PALM2AKAP2: variants seen among roughly 807,000 people sequenced by gnomAD.
PALM2AKAP2 encodes PALM2-AKAP2 fusion protein.
A neutral mutation model predicts 71.5 loss-of-function variants in PALM2AKAP2; 37 were observed. The ratio of observed to expected loss-of-function variants is 0.52; its 90% CI spans 0.40 to 0.68. The LOEUF is 0.68. Among genes scored for constraint, PALM2AKAP2 ranks in the 30% least tolerant of loss-of-function variants. The pLI is 0.00. For missense variants in PALM2AKAP2, 1,224 were observed against 1,191.8 expected, an observed-to-expected ratio of 1.03 and a Z score of -0.40; for synonymous variants, 468 against 478.8, an observed-to-expected ratio of 0.98 and a Z score of 0.29.
At chr9:109,822,642 C>T (rs758893930) in intron 1 of PALM2AKAP2, among the ~76,000 whole-genome samples, 4 of 152,088 alleles carry the variant, frequency 2.6e-5, no homozygotes, top group Non-Finnish European at 5.9e-5. Flanking sequence ...TTTTTGGTTC[C>T]TGTGTTAGTT....
chr9:109,989,528 T>C (rs748229513), intron 6 of PALM2AKAP2, among the ~76,000 whole-genome samples: 3 of 152,174 alleles, frequency 2.0e-5, no homozygotes, highest in Non-Finnish European at 4.4e-5. Flanking sequence ...TTCTTCAGAG[T>C]GATGGGCCTC....
chr9:110,146,188 A>G (rs1017420568), intron 2 of PALM2AKAP2, among the ~76,000 whole-genome samples: 1 of 151,986 alleles, frequency 6.6e-6, no homozygotes. Context: ...TACAGGCGTG[A>G]GCCACCGCGT....
intron 1 of PALM2AKAP2, among the ~76,000 whole-genome samples, chr9:110,097,995 C>G (rs1834895710): frequency 6.9e-6 from 1 of 144,934 alleles, no homozygotes; most frequent in Non-Finnish European, 1.5e-5. Flanking sequence ...CCCGTCTCCA[C>G]CCAAAAAATA....
chr9:109,733,937 G>A (rs767176583), intron 1 of PALM2AKAP2, among the ~76,000 whole-genome samples: 52 of 152,182 alleles, frequency 3.4e-4, no homozygotes, highest in Non-Finnish European at 7.5e-4. Context: ...ACTGGAATAT[G>A]GTTCCAGGTA....
At chr9:109,833,511 A>G (rs1385706878) in intron 1 of PALM2AKAP2, among the ~76,000 whole-genome samples, 1 of 151,880 alleles carries the variant, frequency 6.6e-6, no homozygotes, top group Non-Finnish European at 1.5e-5. Context: ...GGCCAAGCTG[A>G]CTCCACCCTG....
At chr9:109,839,763 A>T (rs1337410160) in intron 1 of PALM2AKAP2, among the ~76,000 whole-genome samples, 2 of 152,230 alleles carry the variant, frequency 1.3e-5, no homozygotes, top group African/African-American at 2.4e-5. Context: ...TCCCATTCAC[A>T]ATTGCTTCAA....
At chr9:109,648,625 A>G (rs1470330203) in intron 1 of PALM2AKAP2, among the ~76,000 whole-genome samples, 1 of 152,216 alleles carries the variant, frequency 6.6e-6, no homozygotes, top group Non-Finnish European at 1.5e-5. Context: ...AAGTTTGGAT[A>G]GAGACTTGAA....
intron 1 of PALM2AKAP2, among the ~76,000 whole-genome samples, chr9:109,699,454 C>T (rs1471805666): frequency 6.6e-6 from 1 of 152,084 alleles, no homozygotes; most frequent in Non-Finnish European, 1.5e-5. Context: ...TTTATTGTAG[C>T]ATTATTTATA....
At chr9:109,711,163 T>A (rs891327677) in intron 1 of PALM2AKAP2, among the ~76,000 whole-genome samples, 9 of 150,326 alleles carry the variant, frequency 6.0e-5, no homozygotes, top group Admixed American at 6.6e-5. Flanking sequence ...GTTCTTAATT[T>A]AAAAAAAAAA....
At chr9:109,651,477 T>C (rs952870185) in intron 1 of PALM2AKAP2, among the ~76,000 whole-genome samples, 10 of 152,198 alleles carry the variant, frequency 6.6e-5, no homozygotes, top group African/African-American at 1.9e-4. Context: ...AGCAGTCTCT[T>C]TATTAAGATT....
chr9:109,872,165 T>G (rs1162606353), intron 2 of PALM2AKAP2, among the ~76,000 whole-genome samples: 1 of 152,228 alleles, frequency 6.6e-6, no homozygotes, highest in Non-Finnish European at 1.5e-5. Context: ...TATATTGTAA[T>G]ATTTCATAAG....
At chr9:109,926,448 A>G (rs1020377490) in intron 5 of PALM2AKAP2, among the ~76,000 whole-genome samples, 1 of 152,132 alleles carries the variant, frequency 6.6e-6, no homozygotes, top group African/African-American at 2.4e-5. Context: ...GGAAGTCTCT[A>G]TGGTGTGACC....
upstream of PALM2AKAP2, among the ~76,000 whole-genome samples, chr9:109,778,190 G>A (rs143181591): frequency 2.8e-4 from 43 of 152,274 alleles, no homozygotes; most frequent in African/African-American, 9.6e-4. Context: ...ACCATTTCTG[G>A]TTCAATTGTT....
At chr9:109,810,378 A>G (rs892853003) in intron 1 of PALM2AKAP2, among the ~76,000 whole-genome samples, 3 of 152,346 alleles carry the variant, frequency 2.0e-5, no homozygotes, top group African/African-American at 7.2e-5. Context: ...GAATTAGGAG[A>G]GGACTAAGAG....
chr9:109,714,794 C>A (rs1377625986), intron 1 of PALM2AKAP2, among the ~76,000 whole-genome samples: 3 of 152,184 alleles, frequency 2.0e-5, no homozygotes, highest in East Asian at 3.9e-4. Flanking sequence ...CAGCCACCTC[C>A]CAGGGCCAGC....
At chr9:109,970,878 A>G (rs1178925687) in intron 6 of PALM2AKAP2, among the ~76,000 whole-genome samples, 1 of 152,132 alleles carries the variant, frequency 6.6e-6, no homozygotes. Flanking sequence ...AGGCCAAGGC[A>G]GAAGAATTAC....
chr9:109,858,559 C>T (rs559702279), intron 1 of PALM2AKAP2, among the ~76,000 whole-genome samples: 4 of 152,200 alleles, frequency 2.6e-5, no homozygotes, highest in South Asian at 2.1e-4. Context: ...CTACCTGATA[C>T]GAGATCTCCT....
chr9:109,913,433 C>T (rs987297112), intron 3 of PALM2AKAP2, among the ~76,000 whole-genome samples: 1 of 152,188 alleles, frequency 6.6e-6, no homozygotes, highest in Non-Finnish European at 1.5e-5. Flanking sequence ...GTAGAAACTT[C>T]TCTGCTGAGA....
chr9:109,724,358 G>A (rs969192642), intron 1 of PALM2AKAP2, among the ~76,000 whole-genome samples: 1 of 152,150 alleles, frequency 6.6e-6, no homozygotes, highest in African/African-American at 2.4e-5. Context: ...AAATCCCAGT[G>A]AGGTTTTGTG....
Sources: gnomAD v4.1 joint callset for allele counts (sites outside exome capture counted in the v4.1 genomes callset) on GRCh38, gnomAD v4.1.1 for gene constraint, MANE v1.5 for transcripts, NCBI Gene and HGNC (gene_info 2026-07-23, HGNC 2026-07-21) for gene names.